The following SCML4 variants were observed in gnomAD, a reference collection of about 807,000 sequenced individuals.
The protein encoded by SCML4 is Scm polycomb group protein like 4, also known as sex comb on midleg-like protein 4.
A neutral mutation model predicts 41.1 loss-of-function variants in SCML4; 34 were observed. The ratio of observed to expected loss-of-function variants is 0.83; its 90% confidence interval spans 0.63 to 1.10. SCML4 has a LOEUF of 1.10. Ranked by LOEUF, SCML4 falls within the 50% of genes least tolerant of loss-of-function variation. The probability of loss-of-function intolerance (pLI) is 0.00; values close to 1 mark genes in which losing one functional copy is unlikely to be tolerated. For missense variants in SCML4, 522 were observed against 534.1 expected, an observed-to-expected ratio of 0.98 and a Z score of 0.22; for synonymous variants, 214 against 220.9, an observed-to-expected ratio of 0.97 and a Z score of 0.28.
intron 5 of SCML4, among the ~76,000 whole-genome samples, chr6:107,732,890 G>A (rs977128608): frequency 2.6e-5 from 4 of 152,178 alleles, no homozygotes; most frequent in African/African-American, 4.8e-5. Flanking sequence ...CTGGAATAGA[G>A]GACGCCTTGT....
At chr6:107,779,709 G>A (rs771069793) in intron 1 of SCML4, among the ~76,000 whole-genome samples, 19 of 152,154 alleles carry the variant, frequency 1.2e-4, no homozygotes, top group South Asian at 8.3e-4. Flanking sequence ...TGTCTCCAGT[G>A]TCATTCTTCT....
chr6:107,845,494 T>C, the SCML4 span, among the ~76,000 whole-genome samples: 1 of 152,218 alleles, frequency 6.6e-6, no homozygotes, highest in African/African-American at 2.4e-5. Flanking sequence ...TACAGAATGA[T>C]TGCCTGGATT....
the SCML4 span, among the ~76,000 whole-genome samples, chr6:107,834,506 C>T: frequency 1.3e-5 from 2 of 152,222 alleles, no homozygotes; most frequent in African/African-American, 2.4e-5. Context: ...AAAAGACTTA[C>T]ACACACTGAA....
In SCML4 at chr6:107,782,427, C is replaced by A. The variant is rs547589554; in HGVS notation, c.-59-10041G>T. On this transcript the variant is annotated intron_variant, in intron 1 of 7. Transcript: ENST00000369020. Reference sequence around the variant, plus strand: ...TCCGGTCCCGGGGGGCTGAGTGTGCCCCCTCCCTGTCTCAGATGTCCATCC... The same window carrying A: ...TCCGGTCCCGGGGGGCTGAGTGTGCACCCTCCCTGTCTCAGATGTCCATCC... Among the ~76,000 whole-genome samples the A allele has an allele frequency of 2.4e-4, 36 of 152,286 alleles. 1 individual carries two copies. Among genetic ancestry groups the A allele is most frequent in the African/African-American group, 8.4e-4 (35 of 41,552 alleles).
In SCML4 at chr6:107,807,553, A is replaced by T. The variant is rs149487503; in HGVS notation, c.-60+16573T>A. On this transcript the variant is annotated intron_variant, in intron 1 of 7. Transcript: ENST00000369020. ...GCTCCTGTTTCATTGCTCAGGGGTT[A>T]CAAAGCTCCCAGCAAATGCTGAACA... Among the ~76,000 whole-genome samples the T allele has an allele frequency of 1.0e-3, 157 of 152,384 alleles. 2 individuals are homozygous for T. In the East Asian group the frequency reaches 0.019, roughly 19 times the overall value.
intron 1 of SCML4, among the ~76,000 whole-genome samples, chr6:107,815,643 C>T (rs1235585350): frequency 1.3e-5 from 2 of 152,186 alleles, no homozygotes; most frequent in South Asian, 2.1e-4. Context: ...AGGTGTCAGC[C>T]CCTGATCACT....
In SCML4 at chr6:107,746,744, C is replaced by T. The variant is rs1778135288; in HGVS notation, c.432G>A (p.Gln144=). 1 of 1,614,054 alleles carries T rather than the reference C, an allele frequency of 6.2e-7. No homozygotes were observed. Among genetic ancestry groups the T allele is most frequent in the East Asian group, 2.2e-5 (1 of 44,894 alleles). ...TGACCAGGGAGAAGACCAGCTTCTGCTGGTGGGCGCAGTCGATGCAGGCTT... is the reference window on the plus strand; with the variant it reads ...TGACCAGGGAGAAGACCAGCTTCTGTTGGTGGGCGCAGTCGATGCAGGCTT... ...AVQACIDCAH[Q]QKLVFSLVKQ... is the part of the protein sequence containing the mutation. Residue 144 remains glutamine, a synonymous_variant, in exon 4 of 8, where the codon CAG becomes CAA. Transcript: ENST00000369020.
At chr6:107,758,394 A>G (rs1219443937) in intron 2 of SCML4, among the ~76,000 whole-genome samples, 1 of 152,248 alleles carries the variant, frequency 6.6e-6, no homozygotes, top group African/African-American at 2.4e-5. Context: ...GAAGAGGTCA[A>G]GTTAGGTGGT....
At chr6:107,801,061 T>C (rs77245656) in intron 1 of SCML4, among the ~76,000 whole-genome samples, 8,588 of 152,288 alleles carry the variant, frequency 0.056, 708 homozygotes, top group African/African-American at 0.18. Context: ...GATCTCTGCA[T>C]TTACTACTTT....
At chr6:107,778,225 ATATATAT>A (rs1781181881) in intron 1 of SCML4, among the ~76,000 whole-genome samples, 6 of 6,338 alleles carry the variant, frequency 9.5e-4, no homozygotes, top group Admixed American at 4.7e-3. Context: ...AAAAAAAAAT[ATATATAT>A]ATATATATAT....
the SCML4 span, among the ~76,000 whole-genome samples, chr6:107,838,920 C>T: frequency 6.6e-6 from 1 of 151,510 alleles, no homozygotes; most frequent in African/African-American, 2.4e-5. Flanking sequence ...GTTAAGCCCT[C>T]TTAACTCTTC....
At chr6:107,784,453 G>A (rs920116497) in intron 1 of SCML4, among the ~76,000 whole-genome samples, 1 of 152,212 alleles carries the variant, frequency 6.6e-6, no homozygotes, top group Non-Finnish European at 1.5e-5. Context: ...AGTGGGTAAA[G>A]AAGATGCATG....
intron 1 of SCML4, among the ~76,000 whole-genome samples, chr6:107,774,604 C>A (rs1038727075): frequency 6.6e-6 from 1 of 152,138 alleles, no homozygotes; most frequent in African/African-American, 2.4e-5. Flanking sequence ...TTTTTATAGA[C>A]TTTAAACTCA....
At chr6:107,730,214 A>T (rs1409066234) in intron 5 of SCML4, among the ~76,000 whole-genome samples, 1 of 152,202 alleles carries the variant, frequency 6.6e-6, no homozygotes, top group African/African-American at 2.4e-5. Context: ...CCCACTTTTC[A>T]AGCGCTTTTG....
upstream of SCML4, among the ~76,000 whole-genome samples, chr6:107,827,239 T>G (rs1411917007): frequency 6.8e-6 from 1 of 147,230 alleles, no homozygotes; most frequent in Non-Finnish European, 1.5e-5. Flanking sequence ...TATTTTTATT[T>G]AAATATATTT....
chr6:107,771,914 A>G (rs561005034), intron 2 of SCML4, among the ~76,000 whole-genome samples: 34 of 152,316 alleles, frequency 2.2e-4, no homozygotes, highest in African/African-American at 7.9e-4. Context: ...CGATGACCCT[A>G]AAATCTACTC....
At chr6:107,796,348 A>G (rs545768700) in intron 1 of SCML4, among the ~76,000 whole-genome samples, 2 of 152,288 alleles carry the variant, frequency 1.3e-5, no homozygotes, top group South Asian at 4.1e-4. Flanking sequence ...CTTTCATTTT[A>G]GCAATTCTAG....
chr6:107,837,472 G>A, the SCML4 span, among the ~76,000 whole-genome samples: 3 of 152,146 alleles, frequency 2.0e-5, no homozygotes, highest in East Asian at 1.9e-4. Context: ...CCTTCACCTC[G>A]AGTTCAGGGT....
At chr6:107,759,524 T>C (rs1779409052) in intron 2 of SCML4, among the ~76,000 whole-genome samples, 1 of 152,052 alleles carries the variant, frequency 6.6e-6, no homozygotes, top group African/African-American at 2.4e-5. Context: ...AGGGTGTACT[T>C]TGAGATGGAA....
Sources: allele counts gnomAD v4.1 joint callset (sites outside exome capture counted in the v4.1 genomes callset), GRCh38; gene constraint gnomAD v4.1.1; transcripts MANE v1.5; gene names NCBI Gene and HGNC (gene_info 2026-07-23, HGNC 2026-07-21).